Variants in PMFBP1 observed in about 807,000 individuals in gnomAD.
The protein encoded by PMFBP1 is polyamine modulated factor 1 binding protein 1, also known as polyamine-modulated factor 1-binding protein 1.
A neutral mutation model predicts 137.8 loss-of-function variants in PMFBP1; 131 were observed. The ratio of observed to expected loss-of-function variants is 0.95; its 90% CI spans 0.82 to 1.10. The LOEUF is 1.10. Ranked by LOEUF, PMFBP1 falls within the 50% of genes least tolerant of loss-of-function variation. PMFBP1 has a pLI of 0.00. For missense variants in PMFBP1, 1,199 were observed against 1,175.4 expected (o/e 1.02, Z -0.29); for synonymous variants, 490 against 450.4 (o/e 1.09, Z -1.11).
rs184487910 is a variant in PMFBP1 at position 72,156,356 on chromosome 16, C to G, written c.166-1897G>C. Among the ~76,000 whole-genome samples, 376 of 151,900 alleles carry G rather than the reference C, an allele frequency of 2.5e-3. 1 individual carries two copies. Among genetic ancestry groups the G allele is most frequent in the African/African-American group, 8.2e-3 (341 of 41,486 alleles). ...ATTGGAGGCCGGGCACGGTGGCTCACGCCTGTAATCCCAGGACTTTGGGAG... is the reference window on the plus strand; with the variant it reads ...ATTGGAGGCCGGGCACGGTGGCTCAGGCCTGTAATCCCAGGACTTTGGGAG... On this transcript the variant is annotated intron_variant, in intron 3 of 20. Coordinates refer to ENST00000237353, the MANE Select transcript of PMFBP1 (RefSeq NM_031293.3).
upstream of PMFBP1, among the ~76,000 whole-genome samples, chr16:72,181,415 A>G (rs2043276100): frequency 2.0e-5 from 3 of 152,096 alleles, no homozygotes; most frequent in Admixed American, 2.0e-4. Flanking sequence ...GTTCTTAGCT[A>G]TCTATGGCTT....
chr16:72,164,535 G>T, intron 3 of PMFBP1: 1 of 1,361,828 alleles, frequency 7.3e-7, no homozygotes, highest in Non-Finnish European at 1.0e-6. Context: ...TCGTGCCTAG[G>T]ATGTACATGA....
chr16:72,186,986 G>A, the PMFBP1 span, among the ~76,000 whole-genome samples: 5 of 151,752 alleles, frequency 3.3e-5, no homozygotes, highest in Non-Finnish European at 7.4e-5. Context: ...GGTGGTGTGC[G>A]CCTGTAATCC....
the PMFBP1 span, among the ~76,000 whole-genome samples, chr16:72,209,583 A>G: frequency 4.6e-4 from 70 of 152,270 alleles, 1 homozygote; most frequent in East Asian, 0.011. Flanking sequence ...GTAAAATTCA[A>G]TATATGGAGA....
intron 6 of PMFBP1, 146 bp downstream of exon 6, chr16:72,140,266 G>T: frequency 1.2e-6 from 1 of 815,048 alleles, no homozygotes; most frequent in Non-Finnish European, 2.0e-6. Flanking sequence ...TGGAGAATAT[G>T]AACAAAGTTG....
chr16:72,164,682 G>T, intron 3 of PMFBP1, 82 bp downstream of exon 3: 1 of 1,488,620 alleles, frequency 6.7e-7, no homozygotes, highest in Non-Finnish European at 9.1e-7. Flanking sequence ...AACAGTGGAA[G>T]AACTTTCTAT....
the PMFBP1 span, among the ~76,000 whole-genome samples, chr16:72,183,978 A>G: frequency 6.6e-6 from 1 of 152,136 alleles, no homozygotes; most frequent in South Asian, 2.1e-4. Flanking sequence ...TCCTTATTGT[A>G]TCTCACAAAC....
chr16:72,135,935 T>C (rs1320258270), intron 9 of PMFBP1, among the ~76,000 whole-genome samples: 1 of 149,954 alleles, frequency 6.7e-6, no homozygotes, highest in Non-Finnish European at 1.5e-5. Context: ...TTGTATTTTT[T>C]GTAGAGACGG....
the PMFBP1 span, among the ~76,000 whole-genome samples, chr16:72,190,217 C>T: frequency 2.6e-5 from 4 of 152,154 alleles, no homozygotes; most frequent in Non-Finnish European, 5.9e-5. Flanking sequence ...TAGTTTTATT[C>T]AGTCTCTGAG....
intron 3 of PMFBP1, among the ~76,000 whole-genome samples, chr16:72,155,751 A>C (rs1387159387): frequency 6.6e-6 from 1 of 152,186 alleles, no homozygotes; most frequent in Non-Finnish European, 1.5e-5. Flanking sequence ...TAAGTGTGCA[A>C]CTCAGTGACT....
At chr16:72,229,259 T>C in the PMFBP1 span, among the ~76,000 whole-genome samples, 1 of 152,206 alleles carries the variant, frequency 6.6e-6, no homozygotes. Flanking sequence ...CCACTGTTGA[T>C]GGGCATTTAG....
the PMFBP1 span, among the ~76,000 whole-genome samples, chr16:72,237,929 A>C: frequency 6.6e-6 from 1 of 152,218 alleles, no homozygotes. Context: ...TAGTTTCCTA[A>C]GGATAATGGC....
intron 7 of PMFBP1, 25 bp downstream of exon 7, chr16:72,139,264 G>C: frequency 1.3e-6 from 2 of 1,548,166 alleles, no homozygotes; most frequent in Non-Finnish European, 1.8e-6. Context: ...ATCCCAGTAG[G>C]CACAGATCAG....
the PMFBP1 span, among the ~76,000 whole-genome samples, chr16:72,183,305 C>T: frequency 6.6e-6 from 1 of 152,146 alleles, no homozygotes; most frequent in Non-Finnish European, 1.5e-5. Context: ...TAACAAAATA[C>T]CACACTCTAG....
chr16:72,179,540 T>C (rs533606529), upstream of PMFBP1, among the ~76,000 whole-genome samples: 10 of 152,190 alleles, frequency 6.6e-5, no homozygotes, highest in South Asian at 2.1e-4. Flanking sequence ...TATAAGATAA[T>C]TGAAAATGTA....
At chr16:72,187,969 G>T in the PMFBP1 span, among the ~76,000 whole-genome samples, 1 of 152,202 alleles carries the variant, frequency 6.6e-6, no homozygotes. Flanking sequence ...AACATGAAAT[G>T]CTTTAATACA....
chr16:72,173,446 G>A (rs1186115844), upstream of PMFBP1, among the ~76,000 whole-genome samples: 1 of 152,210 alleles, frequency 6.6e-6, no homozygotes, highest in East Asian at 1.9e-4. Flanking sequence ...GAGTTACACA[G>A]CTGTAGTTGC....
At chr16:72,157,833 A>C (rs2043005505) in intron 3 of PMFBP1, among the ~76,000 whole-genome samples, 1 of 152,136 alleles carries the variant, frequency 6.6e-6, no homozygotes, top group Non-Finnish European at 1.5e-5. Flanking sequence ...GATGGTAGCA[A>C]TGGAGGGCGG....
intron 5 of PMFBP1, among the ~76,000 whole-genome samples, chr16:72,146,719 A>G (rs530335728): frequency 6.7e-4 from 102 of 152,338 alleles, no homozygotes; most frequent in Non-Finnish European, 1.1e-3. Flanking sequence ...AAGCATTCCT[A>G]TACATCATTA....
Sources: allele counts gnomAD v4.1 joint callset (sites outside exome capture counted in the v4.1 genomes callset), GRCh38; gene constraint gnomAD v4.1.1; transcripts MANE v1.5; gene names NCBI Gene and HGNC (gene_info 2026-07-23, HGNC 2026-07-21).